ARHGAP10: variants seen among roughly 807,000 people sequenced by gnomAD.
ARHGAP10 encodes Rho GTPase activating protein 10.
A neutral mutation model predicts 108.6 loss-of-function variants in ARHGAP10; 87 were observed. The ratio of observed to expected loss-of-function variants is 0.80; its 90% CI spans 0.67 to 0.96. ARHGAP10 has a LOEUF of 0.96. Among genes scored for constraint, ARHGAP10 ranks in the 40% least tolerant of loss-of-function variants. ARHGAP10 has a pLI of 0.00. For missense variants in ARHGAP10, 939 were observed against 954.5 expected (o/e 0.98, Z 0.21); for synonymous variants, 347 against 341.1 (o/e 1.02, Z -0.19).
At chr4:148,023,553 G>A in intron 19 of ARHGAP10, 140 bp downstream of exon 19, 1 of 1,012,776 alleles carries the variant, frequency 9.9e-7, no homozygotes, top group Non-Finnish European at 1.3e-6. Flanking sequence ...AGATTTACAG[G>A]GAGGGTGAAG....
At chr4:147,955,251 T>TA in intron 15 of ARHGAP10, 65 bp from the exon 16 acceptor site, 7 of 1,461,060 alleles carry the variant, frequency 4.8e-6, no homozygotes, top group Non-Finnish European at 5.7e-6. Context: ...CATCCTTTCA[T>TA]AAAAAAACTC....
chr4:147,973,552 CT>C (rs1739488589), intron 18 of ARHGAP10, among the ~76,000 whole-genome samples: 1 of 152,122 alleles, frequency 6.6e-6, no homozygotes. Flanking sequence ...CAGTTATACT[CT>C]TTTAGTTATT....
At chr4:148,004,838 C>T (rs994580157) in intron 18 of ARHGAP10, among the ~76,000 whole-genome samples, 1 of 152,234 alleles carries the variant, frequency 6.6e-6, no homozygotes, top group Non-Finnish European at 1.5e-5. Context: ...TGCTTAGCCT[C>T]TGGACCCATG....
At chr4:148,004,407 C>A (rs947698882) in intron 18 of ARHGAP10, among the ~76,000 whole-genome samples, 2 of 152,182 alleles carry the variant, frequency 1.3e-5, no homozygotes, top group African/African-American at 4.8e-5. Context: ...GTGATTGTGG[C>A]AGACTCACCC....
At chr4:147,984,726 C>A (rs1406805559) in intron 18 of ARHGAP10, among the ~76,000 whole-genome samples, 1 of 152,190 alleles carries the variant, frequency 6.6e-6, no homozygotes, top group East Asian at 1.9e-4. Flanking sequence ...TTGTGTTGTG[C>A]CATTCAACGT....
chr4:148,064,466 G>C lies in ARHGAP10; in HGVS notation c.2231G>C (p.Ser744Thr). Residue 744 changes from serine to threonine, a missense_variant, in exon 22 of 23, where the codon AGC becomes ACC. Physicochemically the swap from Ser to Thr is moderately conservative, Grantham distance 58. Transcript: ENST00000336498. ...GTGTATCCGTGTGAAGCAGAACACA[G>C]CTCGGAATTATCTTTTGAAATAGGA... Reference protein sequence around the residue: ...RAVYPCEAEHSSELSFEIGAI... With the variant: ...RAVYPCEAEHTSELSFEIGAI... 1.9e-6 allele frequency: 3 copies of C among 1,614,186 alleles called. No individual in the cohort carries two copies. Among genetic ancestry groups the C allele is most frequent in the Non-Finnish European group, 2.5e-6 (3 of 1,180,020 alleles).
chr4:148,023,285 C>T lies in ARHGAP10; in HGVS notation c.1739C>T (p.Thr580Ile). The change falls in exon 19 of 23, where the codon ACT becomes ATT. Residue 580 changes from threonine (T) to isoleucine (I), a missense_variant. By Grantham distance (89) the Thr-to-Ile change is moderately conservative. Coordinates refer to ENST00000336498, the MANE Select transcript of ARHGAP10 (RefSeq NM_024605.4). The part of the protein sequence containing the change: ...HEKIFRTPPD[T>I]TFPEPTCLSA... Reference sequence around the variant, plus strand: ...AAGATTTTTCGGACGCCGCCCGATACTACATTCCCTGAGCCCACCTGCCTG... The same window carrying T: ...AAGATTTTTCGGACGCCGCCCGATATTACATTCCCTGAGCCCACCTGCCTG... 6.2e-7 allele frequency: 1 copy of T among 1,614,136 alleles called. No individual in the cohort carries two copies. The highest frequency in any genetic ancestry group is 8.5e-7 in the Non-Finnish European group (1 of 1,179,984).
intron 22 of ARHGAP10, among the ~76,000 whole-genome samples, chr4:148,066,713 C>T (rs571319591): frequency 1.3e-5 from 2 of 152,322 alleles, no homozygotes; most frequent in East Asian, 3.9e-4. Context: ...CCATGGCTTT[C>T]TTATCTTCTG....
At position 148,064,514 on chromosome 4, in the gene ARHGAP10, G is replaced by A. The variant is rs1159280394; in HGVS notation, c.2272+7G>A. On this transcript the variant is annotated splice_region_variant and intron_variant, in intron 22 of 22. Transcript: ENST00000336498. ...GGAGCAATTTTTGAGGATGGTAAGT[G>A]TTAGTGGGAGCTTCGTCTGTTAATC... 1.3e-5 allele frequency: 21 copies of A among 1,611,768 alleles called. No homozygotes were observed. Among genetic ancestry groups the A allele is most frequent in the African/African-American group, 2.7e-5 (2 of 74,868 alleles).
intron 18 of ARHGAP10, among the ~76,000 whole-genome samples, chr4:148,009,288 T>C (rs1741080086): frequency 6.6e-6 from 1 of 152,048 alleles, no homozygotes; most frequent in Non-Finnish European, 1.5e-5. Context: ...CACACCACCA[T>C]GCTTGGCTAA....
intron 1 of ARHGAP10, among the ~76,000 whole-genome samples, chr4:147,770,270 ACGCC>A (rs1730021998): frequency 6.6e-6 from 1 of 152,182 alleles, no homozygotes; most frequent in Admixed American, 6.5e-5. Flanking sequence ...CCAGTGGTTC[ACGCC>A]TGTCTGTAAT....
chr4:148,003,854 C>T (rs990207082), intron 18 of ARHGAP10, among the ~76,000 whole-genome samples: 1 of 114,250 alleles, frequency 8.8e-6, no homozygotes, highest in African/African-American at 5.0e-5. Flanking sequence ...TAGGTCTTGA[C>T]TCTTTATCCT....
chr4:148,030,728 G>A (rs571372716), intron 19 of ARHGAP10, among the ~76,000 whole-genome samples: 13 of 152,286 alleles, frequency 8.5e-5, no homozygotes, highest in African/African-American at 3.1e-4. Flanking sequence ...TTTATCATCA[G>A]TTGTCTTCAG....
chr4:148,069,616 A>G (rs1730066204), intron 22 of ARHGAP10, among the ~76,000 whole-genome samples: 2 of 152,216 alleles, frequency 1.3e-5, no homozygotes, highest in South Asian at 4.1e-4. Flanking sequence ...TAGGAGGAGA[A>G]ATAGTGAGCA....
rs549670300 is a variant in ARHGAP10 at position 147,887,206 on chromosome 4, G to A, written c.1034+5274G>A. Among the ~76,000 whole-genome samples the A allele has an allele frequency of 8.6e-5, 13 of 151,910 alleles. 1 individual carries two copies. The highest frequency in any genetic ancestry group is 1.9e-4 in the Non-Finnish European group (13 of 67,962). ...GAAGCTGTAACAAGAGCTGTTTCCC[G>A]CTCTAGACACCCACCTCCACCCTCA... On this transcript the variant is annotated intron_variant, in intron 10 of 22. Coordinates refer to ENST00000336498, the MANE Select transcript of ARHGAP10 (RefSeq NM_024605.4).
intron 3 of ARHGAP10, among the ~76,000 whole-genome samples, chr4:147,823,875 A>C (rs1346762400): frequency 1.3e-5 from 2 of 152,176 alleles, no homozygotes; most frequent in Non-Finnish European, 2.9e-5. Context: ...CTCAACTGTA[A>C]ATTTTGGGGT....
chr4:147,864,789 G>A (rs1301884415), intron 5 of ARHGAP10, 57 bp from the exon 6 acceptor site: 2 of 1,500,766 alleles, frequency 1.3e-6, no homozygotes, highest in African/African-American at 1.4e-5. Flanking sequence ...GACCTCTGAT[G>A]TAGCGTTTCA....
At chr4:147,857,041 C>T (rs1165603026) in intron 4 of ARHGAP10, among the ~76,000 whole-genome samples, 2 of 152,000 alleles carry the variant, frequency 1.3e-5, no homozygotes, top group African/African-American at 2.4e-5. Flanking sequence ...TTAGTAGGGA[C>T]GGGATTTCAC....
chr4:147,919,949 A>C (rs1356592593), intron 13 of ARHGAP10, among the ~76,000 whole-genome samples: 1 of 152,000 alleles, frequency 6.6e-6, no homozygotes, highest in Non-Finnish European at 1.5e-5. Context: ...GTGGACTGGG[A>C]AGTAGGATTC....
Sources: allele counts gnomAD v4.1 joint callset (sites outside exome capture counted in the v4.1 genomes callset), GRCh38; gene constraint gnomAD v4.1.1; transcripts MANE v1.5; gene names NCBI Gene and HGNC (gene_info 2026-07-23, HGNC 2026-07-21).